SLC25A21: variants seen among roughly 807,000 people sequenced by gnomAD.
SLC25A21 encodes the protein solute carrier family 25 member 21.
SLC25A21 carries 47 observed loss-of-function variants against 43.8 expected under a neutral mutation model. The ratio of observed to expected loss-of-function variants is 1.07; its 90% CI spans 0.85 to 1.37. SLC25A21 has a LOEUF of 1.37. Ranked by LOEUF, SLC25A21 falls within the 40% of genes most tolerant of loss-of-function variation. The probability of loss-of-function intolerance (pLI) is 0.00; values close to 1 mark genes in which losing one functional copy is unlikely to be tolerated. For synonymous variants in SLC25A21, 131 were observed against 121.3 expected, an observed-to-expected ratio of 1.08 and a Z score of -0.52; for missense variants, 352 against 350.2, an observed-to-expected ratio of 1.00 and a Z score of -0.04.
At chr14:36,900,996 C>T (rs907186652) in intron 1 of SLC25A21, among the ~76,000 whole-genome samples, 7 of 152,048 alleles carry the variant, frequency 4.6e-5, no homozygotes, top group East Asian at 1.9e-4. Context: ...GTGAAATTTC[C>T]GTTCTCAAGC....
intron 3 of SLC25A21, among the ~76,000 whole-genome samples, chr14:36,739,035 T>G (rs979472461): frequency 1.3e-5 from 2 of 152,208 alleles, no homozygotes; most frequent in African/African-American, 2.4e-5. Flanking sequence ...ATCAAGTTCT[T>G]TATGTCCTTG....
intron 5 of SLC25A21, among the ~76,000 whole-genome samples, chr14:36,727,580 G>A (rs1300237934): frequency 1.3e-5 from 2 of 152,092 alleles, no homozygotes; most frequent in African/African-American, 4.8e-5. Context: ...CCCAGCTTCT[G>A]GGGAGGCTGA....
intron 3 of SLC25A21, among the ~76,000 whole-genome samples, chr14:36,794,821 T>C (rs1887621631): frequency 6.6e-6 from 1 of 151,724 alleles, no homozygotes; most frequent in Admixed American, 6.6e-5. Context: ...GAATAAAAAT[T>C]AAAGGGTTGT....
At chr14:36,861,946 G>A (rs1190445837) in intron 2 of SLC25A21, among the ~76,000 whole-genome samples, 1 of 152,036 alleles carries the variant, frequency 6.6e-6, no homozygotes, top group Non-Finnish European at 1.5e-5. Context: ...AAAAGTGCAC[G>A]AAGGACATGA....
intron 1 of SLC25A21, among the ~76,000 whole-genome samples, chr14:36,995,785 G>A (rs904446642): frequency 2.0e-5 from 3 of 152,116 alleles, no homozygotes; most frequent in African/African-American, 4.8e-5. Flanking sequence ...CAAGACTTAC[G>A]TTAAAATCAG....
chr14:37,038,711 A>G (rs941005776), intron 1 of SLC25A21, among the ~76,000 whole-genome samples: 5 of 152,130 alleles, frequency 3.3e-5, no homozygotes, highest in African/African-American at 1.2e-4. Flanking sequence ...TTTAATTCCA[A>G]TTTTGCAGAA....
intron 1 of SLC25A21, among the ~76,000 whole-genome samples, chr14:37,119,179 A>T (rs1299270210): frequency 1.3e-5 from 2 of 152,224 alleles, no homozygotes; most frequent in Admixed American, 6.5e-5. Flanking sequence ...AAAAAGGAGA[A>T]GAAGCCTCAG....
At chr14:36,682,594 G>A (rs1882326371) in intron 9 of SLC25A21, among the ~76,000 whole-genome samples, 1 of 152,164 alleles carries the variant, frequency 6.6e-6, no homozygotes, top group African/African-American at 2.4e-5. Context: ...AATGTTGGTT[G>A]AGGGCTGGTG....
At chr14:36,776,057 T>C (rs1438791051) in intron 3 of SLC25A21, among the ~76,000 whole-genome samples, 1 of 151,664 alleles carries the variant, frequency 6.6e-6, no homozygotes, top group Non-Finnish European at 1.5e-5. Flanking sequence ...TCATCCACAC[T>C]TTCTCATTTA....
At chr14:36,943,584 C>T (rs1291121047) in intron 1 of SLC25A21, among the ~76,000 whole-genome samples, 1 of 152,140 alleles carries the variant, frequency 6.6e-6, no homozygotes. Flanking sequence ...TATTGGAGGG[C>T]TGCTTCTGTC....
chr14:37,113,377 TAA>T (rs1963053551), intron 1 of SLC25A21, among the ~76,000 whole-genome samples: 2 of 152,120 alleles, frequency 1.3e-5, no homozygotes, highest in Non-Finnish European at 2.9e-5. Flanking sequence ...GACAATAAAA[TAA>T]AGAGTGATAC....
intron 1 of SLC25A21, among the ~76,000 whole-genome samples, chr14:37,120,265 T>G (rs1320272279): frequency 2.0e-5 from 3 of 152,194 alleles, no homozygotes; most frequent in Non-Finnish European, 4.4e-5. Context: ...ACCTCCAAGT[T>G]TTTAATCAAC....
At position 36,906,057 on chromosome 14, in the gene SLC25A21, A is replaced by C. The variant is rs527551028; in HGVS notation, c.71-31053T>G. Among the ~76,000 whole-genome samples, 43 of 152,286 alleles carry C rather than the reference A, an allele frequency of 2.8e-4. 1 individual carries two copies. Among genetic ancestry groups the C allele is most frequent in the Admixed American group, 2.0e-3 (31 of 15,302 alleles). ...AAAATAATTTGTCCTAAAGAGGTAA[A>C]TGTAGGTAATCAGATTATAAAAGGT... is the stretch of plus-strand genomic sequence containing the variant. On this transcript the variant is annotated intron_variant, in intron 1 of 9. Coordinates refer to ENST00000331299, the MANE Select transcript of SLC25A21 (RefSeq NM_030631.4).
intron 1 of SLC25A21, among the ~76,000 whole-genome samples, chr14:36,904,847 T>G (rs1594682551): frequency 6.6e-6 from 1 of 152,074 alleles, no homozygotes; most frequent in African/African-American, 2.4e-5. Context: ...ATGTGAAGAT[T>G]ATGGGGATTA....
chr14:37,172,025 G>A, intron 1 of SLC25A21: 2 of 536,964 alleles, frequency 3.7e-6, no homozygotes, highest in South Asian at 2.8e-5. Context: ...TACAGGCTAG[G>A]AACGGACAAT....
intron 1 of SLC25A21, among the ~76,000 whole-genome samples, chr14:36,886,071 C>A (rs1890903149): frequency 6.6e-6 from 1 of 152,160 alleles, no homozygotes; most frequent in African/African-American, 2.4e-5. Flanking sequence ...GTGCAGATTT[C>A]AAATTCAAAA....
intron 1 of SLC25A21, among the ~76,000 whole-genome samples, chr14:36,984,533 A>G (rs527909024): frequency 2.5e-3 from 374 of 147,722 alleles, no homozygotes; most frequent in African/African-American, 6.7e-3. Context: ...AAATGCCATC[A>G]TTTGCTTGTT....
chr14:36,753,405 G>A (rs1241446463), intron 3 of SLC25A21, among the ~76,000 whole-genome samples: 2 of 152,020 alleles, frequency 1.3e-5, no homozygotes, highest in African/African-American at 2.4e-5. Context: ...GTTTAGAAGA[G>A]GTATAATCTA....
chr14:37,086,618 C>A (rs2138845214), intron 1 of SLC25A21, among the ~76,000 whole-genome samples: 1 of 152,320 alleles, frequency 6.6e-6, no homozygotes, highest in East Asian at 1.9e-4. Flanking sequence ...ATGTACCACT[C>A]ACTAGCTGCA....
Sources: allele counts gnomAD v4.1 joint callset (sites outside exome capture counted in the v4.1 genomes callset), GRCh38; gene constraint gnomAD v4.1.1; transcripts MANE v1.5; gene names NCBI Gene and HGNC (gene_info 2026-07-23, HGNC 2026-07-21).